Variants in HFM1 observed in about 807,000 individuals in gnomAD.
HFM1 encodes the protein helicase for meiosis 1.
In HFM1, 169 loss-of-function variants were observed where a neutral mutation model predicts 192.1. That is an observed-to-expected ratio of 0.88 (90% confidence interval 0.78 to 1.00). HFM1 has a LOEUF of 1.00. Among genes scored for constraint, HFM1 ranks in the 50% least tolerant of loss-of-function variants. The pLI is 0.00. For synonymous variants in HFM1, 525 were observed against 537.8 expected, an observed-to-expected ratio of 0.98 and a Z score of 0.33; for missense variants, 1,661 against 1,668.0, an observed-to-expected ratio of 1.00 and a Z score of 0.07.
At chr1:91,328,334 C>G in intron 20 of HFM1, 3 of 1,507,748 alleles carry the variant, frequency 2.0e-6, no homozygotes, top group Non-Finnish European at 2.7e-6. Context: ...GCTTTAGCCG[C>G]CGAGGCCTCG....
chr1:91,276,746 A>G lies in HFM1; in HGVS notation c.3473-3T>C. ...CTTCTGTGCAACTCCAATTTTACCTATGAAAAGAAACTTCAGATTCTTTAG... is the reference window on the plus strand; with the variant it reads ...CTTCTGTGCAACTCCAATTTTACCTGTGAAAAGAAACTTCAGATTCTTTAG... On this transcript the variant is annotated splice_polypyrimidine_tract_variant and splice_region_variant and intron_variant, in intron 31 of 38. Coordinates refer to ENST00000370425, the MANE Select transcript of HFM1 (RefSeq NM_001017975.6). The G allele has an allele frequency of 7.5e-7, 1 of 1,335,584 alleles. No homozygotes were observed. The highest frequency in any genetic ancestry group is 1.4e-5 in the South Asian group (1 of 68,984). 82.7% of individuals were successfully genotyped at this position (1,335,584 alleles called of 1,614,324 possible). A position where few individuals can be genotyped will look rare whatever the true frequency, so the allele number is the denominator to read the frequency against.
chr1:91,285,274 A>ATTTCAT (rs1553185925), intron 30 of HFM1, among the ~76,000 whole-genome samples: 2 of 152,218 alleles, frequency 1.3e-5, no homozygotes, highest in East Asian at 3.8e-4. Context: ...TCATTATTTT[A>ATTTCAT]TATTCCCTAA....
intron 30 of HFM1, among the ~76,000 whole-genome samples, chr1:91,277,645 A>G (rs1570751339): frequency 7.6e-6 from 1 of 132,378 alleles, no homozygotes; most frequent in East Asian, 2.0e-4. Context: ...TATACTATAT[A>G]TAATATATAC....
chr1:91,277,702 T>TAA (rs60728992), intron 30 of HFM1, among the ~76,000 whole-genome samples: 870 of 51,390 alleles, frequency 0.017, 2 homozygotes, highest in African/African-American at 0.031. Context: ...CTAATATATA[T>TAA]TATATATACT....
chr1:91,348,143 T>A (rs1035954154), intron 18 of HFM1, among the ~76,000 whole-genome samples: 5 of 152,148 alleles, frequency 3.3e-5, no homozygotes, highest in African/African-American at 1.2e-4. Flanking sequence ...TATAAACACA[T>A]ATATAAAACT....
At chr1:91,313,094 T>C (rs1650708953) in intron 30 of HFM1, among the ~76,000 whole-genome samples, 1 of 152,150 alleles carries the variant, frequency 6.6e-6, no homozygotes, top group Non-Finnish European at 1.5e-5. Context: ...GGTATGTCTT[T>C]ATCAGCAGCA....
Position 91,385,627 on chromosome 1 carries a change from G to A in HFM1, c.702C>T (p.Gly234=), listed in dbSNP as rs755207114. The change falls in exon 5 of 39, where the codon GGC becomes GGT. Residue 234 remains glycine, a synonymous_variant. Transcript: ENST00000370425. ...NAFSASEIGE[G]MFKAPSFSVA... Reference sequence around the variant, plus strand: ...CTGAAAAAGATGGTGCTTTGAACATGCCTTCTCCGATTTCAGAAGCAGAAA... The same window carrying A: ...CTGAAAAAGATGGTGCTTTGAACATACCTTCTCCGATTTCAGAAGCAGAAA... 3 of 1,612,886 alleles carry A rather than the reference G, an allele frequency of 1.9e-6. No homozygotes were observed. In the East Asian group the frequency reaches 6.7e-5, roughly 36 times the overall value.
chr1:91,335,853 C>G lies in HFM1; in HGVS notation c.2335+7577G>C, dbSNP rs190395165. Among the ~76,000 whole-genome samples, 12 of 152,092 alleles carry G rather than the reference C, an allele frequency of 7.9e-5. No individual in the cohort carries two copies. In the East Asian group the frequency reaches 2.1e-3, roughly 27 times the overall value. On this transcript the variant is annotated intron_variant, in intron 20 of 38. Transcript: ENST00000370425. ...GAGATCATACTTTCATGAGATGGCC[C>G]CAGTCAATGACTGAGCATGGCAGGG... is the stretch of plus-strand genomic sequence containing the variant.
intron 30 of HFM1, among the ~76,000 whole-genome samples, chr1:91,296,062 G>A (rs1006731977): frequency 6.6e-6 from 1 of 152,060 alleles, no homozygotes; most frequent in Non-Finnish European, 1.5e-5. Flanking sequence ...GGGACTACAG[G>A]CACCTGCTAC....
intron 8 of HFM1, 122 bp from the exon 9 acceptor site, chr1:91,379,336 T>A: frequency 2.7e-6 from 2 of 746,482 alleles, no homozygotes; most frequent in Non-Finnish European, 2.2e-6. Flanking sequence ...ATTGATAAAT[T>A]AAAAATGAAC....
At chr1:91,387,668 A>G (rs1662399480) in intron 4 of HFM1, among the ~76,000 whole-genome samples, 1 of 149,898 alleles carries the variant, frequency 6.7e-6, no homozygotes, top group Admixed American at 6.7e-5. Context: ...TCGCAAGAAC[A>G]AAAAACCAAA....
chr1:91,351,555 T>C lies in HFM1; in HGVS notation c.2066A>G (p.Glu689Gly). ...GAACTTTTTTTTATACTACCTGCTT[T>C]CTACAGTGTCTCTACAAGCTAACAT... is the stretch of plus-strand genomic sequence containing the variant. ...IQMLACRDTV[E>G]SSLHRHLIEH... The change falls in exon 17 of 39, where the codon GAA (glutamate) becomes GGA (glycine). Residue 689 changes from glutamate to glycine, a missense_variant. Physicochemically the swap from Glu to Gly is moderately conservative, Grantham distance 98. Transcript: ENST00000370425. 1 of 1,550,940 alleles carries C rather than the reference T, an allele frequency of 6.4e-7. No individual in the cohort carries two copies. The highest frequency in any genetic ancestry group is 8.8e-7 in the Non-Finnish European group (1 of 1,133,954).
At chr1:91,273,687 C>G in intron 34 of HFM1, 25 bp downstream of exon 34, 1 of 1,169,186 alleles carries the variant, frequency 8.6e-7, no homozygotes, top group Non-Finnish European at 1.3e-6. Flanking sequence ...TTTACTCTCT[C>G]AAGTAAGTAT....
Position 91,267,754 on chromosome 1 carries a change from T to C in HFM1, c.3874A>G (p.Lys1292Glu). ...CTAAGTATGATTTTACCTGATATTT[T>C]TGTCTTCTCAGTATCAGTTGAAAAG... ...TSFSTDTEKT[K>E]ISGFGNTLSS... Residue 1292 changes from lysine (K) to glutamate (E), a missense_variant, in exon 35 of 39, where the codon AAA becomes GAA. Transcript: ENST00000370425. The C allele has an allele frequency of 3.6e-6, 5 of 1,407,930 alleles. No homozygotes were observed. The South Asian group carries it at 6.5e-5, about 18-fold the overall frequency. The allele number at this position is 1,407,930 out of a possible 1,614,324, so 87.2% of individuals were successfully genotyped here. A position where few individuals can be genotyped will look rare whatever the true frequency, so the allele number is the denominator to read the frequency against.
intron 6 of HFM1, 108 bp downstream of exon 6, chr1:91,385,079 T>C: frequency 1.3e-6 from 1 of 759,028 alleles, no homozygotes; most frequent in South Asian, 1.8e-5. Context: ...GATTAATTTT[T>C]CCCTCTTTTT....
chr1:91,284,309 T>A (rs1667737342), intron 30 of HFM1, among the ~76,000 whole-genome samples: 1 of 151,880 alleles, frequency 6.6e-6, no homozygotes, highest in Non-Finnish European at 1.5e-5. Context: ...AGTGGTGCAA[T>A]CTCAACTCAC....
At chr1:91,333,183 C>T (rs1004555863) in intron 20 of HFM1, among the ~76,000 whole-genome samples, 1 of 152,076 alleles carries the variant, frequency 6.6e-6, no homozygotes, top group African/African-American at 2.4e-5. Context: ...TCACAATAGC[C>T]AAGATTTGGA....
chr1:91,288,232 T>C (rs1004655701), intron 30 of HFM1, among the ~76,000 whole-genome samples: 1 of 150,668 alleles, frequency 6.6e-6, no homozygotes, highest in African/African-American at 2.4e-5. Flanking sequence ...AAAGTTGAAA[T>C]GAAGGAAAAA....
chr1:91,374,891 T>C (rs990262307), intron 13 of HFM1, among the ~76,000 whole-genome samples: 1 of 151,998 alleles, frequency 6.6e-6, no homozygotes, highest in Non-Finnish European at 1.5e-5. Flanking sequence ...AGAATGAACC[T>C]CAGGTATACT....
Sources: gnomAD v4.1 joint callset for allele counts (sites outside exome capture counted in the v4.1 genomes callset) on GRCh38, gnomAD v4.1.1 for gene constraint, MANE v1.5 for transcripts, NCBI Gene and HGNC (gene_info 2026-07-23, HGNC 2026-07-21) for gene names.